Variants in BACH2 observed in about 807,000 individuals in gnomAD.
The protein encoded by BACH2 is transcription regulator protein BACH2.
A neutral mutation model predicts 61.8 loss-of-function variants in BACH2; 5 were observed. The observed-to-expected ratio is 0.08, with a 90% CI of 0.04 to 0.17. BACH2 has a LOEUF of 0.17. Among genes scored for constraint, BACH2 ranks in the 10% least tolerant of loss-of-function variants. The pLI, the probability that BACH2 is intolerant of heterozygous loss-of-function variation, is 1.00. For synonymous variants in BACH2, 446 were observed against 440.1 expected, an observed-to-expected ratio of 1.01 and a Z score of -0.17; for missense variants, 824 against 1,091.1, an observed-to-expected ratio of 0.76 and a Z score of 3.45.
chr6:90,248,808 A>C (rs556349030), intron 3 of BACH2, among the ~76,000 whole-genome samples: 25 of 152,184 alleles, frequency 1.6e-4, no homozygotes, highest in Non-Finnish European at 3.1e-4. Context: ...TCTTAGTGCA[A>C]CAGGAAGCCA....
chr6:90,012,034 G>A (rs1243263189), intron 5 of BACH2, among the ~76,000 whole-genome samples: 1 of 151,092 alleles, frequency 6.6e-6, no homozygotes, highest in Admixed American at 6.6e-5. Flanking sequence ...GGCGTCAAGT[G>A]ATCCTCCTAC....
intron 4 of BACH2, among the ~76,000 whole-genome samples, chr6:90,180,890 C>CAT (rs1768138415): frequency 6.6e-6 from 1 of 151,496 alleles, no homozygotes; most frequent in South Asian, 2.1e-4. Context: ...CACACACACA[C>CAT]ATTCCTCACA....
rs188127733 is a variant in BACH2 at position 89,965,030 on chromosome 6, G to A, written c.244-13168C>T. ...CTCCCAAGTAGCTGGGATTACAGGC[G>A]TGTGCCACCACACCTGGCTAATTTT... is the stretch of plus-strand genomic sequence containing the variant. On this transcript the variant is annotated intron_variant, in intron 6 of 8. Transcript: ENST00000257749. Among the ~76,000 whole-genome samples the A allele has an allele frequency of 3.2e-4, 48 of 152,142 alleles. No individual in the cohort carries two copies. The East Asian group carries it at 8.7e-3, about 28-fold the overall frequency.
chr6:90,295,654 GGTGTGTGTGTGTGTGTGT>G (rs138869202), intron 1 of BACH2, among the ~76,000 whole-genome samples: 1 of 147,734 alleles, frequency 6.8e-6, no homozygotes, highest in African/African-American at 2.5e-5. Context: ...TGGAGTGTAG[GGTGTGTGTGTGTGTGTGT>G]GTGTGTGTGT....
At chr6:90,119,602 C>T (rs975228976) in intron 4 of BACH2, among the ~76,000 whole-genome samples, 2 of 151,840 alleles carry the variant, frequency 1.3e-5, no homozygotes, top group African/African-American at 2.4e-5. Flanking sequence ...TGTTACCCAG[C>T]ACATAAAAAA....
chr6:90,223,136 C>T (rs1769795785), intron 3 of BACH2, among the ~76,000 whole-genome samples: 1 of 152,186 alleles, frequency 6.6e-6, no homozygotes, highest in Non-Finnish European at 1.5e-5. Flanking sequence ...AAGCAAATTG[C>T]CTTGCTGAGA....
chr6:90,047,390 C>A (rs531590085), intron 5 of BACH2, among the ~76,000 whole-genome samples: 2 of 152,262 alleles, frequency 1.3e-5, no homozygotes, highest in East Asian at 3.9e-4. Context: ...TATACTGGCA[C>A]GTCCATGGTC....
Position 89,997,804 on chromosome 6 carries a change from C to T in BACH2, c.243+10798G>A, listed in dbSNP as rs541781569. Reference sequence around the variant, plus strand: ...CTTCCATTTGACTGGTGCCACTCAACCTGGCTTGATAAACCCAAGGGTGTG... The same window carrying T: ...CTTCCATTTGACTGGTGCCACTCAATCTGGCTTGATAAACCCAAGGGTGTG... On this transcript the variant is annotated intron_variant, in intron 6 of 8. Coordinates refer to ENST00000257749, the MANE Select transcript of BACH2 (RefSeq NM_021813.4). Among the ~76,000 whole-genome samples, 7 of 152,330 alleles carry T rather than the reference C, an allele frequency of 4.6e-5. 1 individual carries two copies. The highest frequency in any genetic ancestry group is 1.9e-4 in the East Asian group (1 of 5,180).
rs543572853 is a variant in BACH2, at chr6:90,251,749, C to G, written c.-275+764G>C. ...ATACTTCACAGGATGGAAGTAAAAG[C>G]TTCTAATAGGAGCATTTATTACAAT... On this transcript the variant is annotated intron_variant, in intron 3 of 8. Coordinates refer to ENST00000257749, the MANE Select transcript of BACH2 (RefSeq NM_021813.4). Among the ~76,000 whole-genome samples, 12 of 152,204 alleles carry G rather than the reference C, an allele frequency of 7.9e-5. No homozygotes were observed. In the South Asian group the frequency reaches 2.5e-3, roughly 32 times the overall value.
At position 89,959,645 on chromosome 6, in the gene BACH2, A is replaced by T. The variant is rs577428706; in HGVS notation, c.244-7783T>A. Among the ~76,000 whole-genome samples the T allele has an allele frequency of 2.6e-5, 4 of 152,308 alleles. No homozygotes were observed. In the South Asian group the frequency reaches 8.3e-4, roughly 32 times the overall value. ...AACACTACTTTAATACAACTTAACT[A>T]CCTTAATACAAACATAACCGGAAAA... On this transcript the variant is annotated intron_variant, in intron 6 of 8. Coordinates refer to ENST00000257749, the MANE Select transcript of BACH2 (RefSeq NM_021813.4).
intron 1 of BACH2, among the ~76,000 whole-genome samples, chr6:90,286,890 A>T (rs1432223956): frequency 6.6e-6 from 1 of 152,222 alleles, no homozygotes; most frequent in Non-Finnish European, 1.5e-5. Flanking sequence ...GGTACTAGAG[A>T]GAGGGAAACA....
chr6:90,296,448 G>GCGGGGCC (rs887907610), intron 1 of BACH2, 32 bp downstream of exon 1: 57 of 150,910 alleles, frequency 3.8e-4, no homozygotes, highest in South Asian at 8.3e-4. Context: ...CCGCCCAGCG[G>GCGGGGCC]CGGGGCCCGG....
At chr6:90,090,785 T>C (rs1353230976) in intron 4 of BACH2, among the ~76,000 whole-genome samples, 5 of 152,170 alleles carry the variant, frequency 3.3e-5, no homozygotes, top group African/African-American at 1.2e-4. Flanking sequence ...CCACTGATTA[T>C]TTGTGGGTTG....
intron 6 of BACH2, among the ~76,000 whole-genome samples, chr6:89,957,403 A>G (rs1245904765): frequency 1.3e-5 from 2 of 152,122 alleles, no homozygotes; most frequent in African/African-American, 4.8e-5. Context: ...TTTTTATTTT[A>G]TCTATTTTTA....
At chr6:90,179,741 T>C (rs1432655294) in intron 4 of BACH2, among the ~76,000 whole-genome samples, 2 of 152,240 alleles carry the variant, frequency 1.3e-5, no homozygotes, top group African/African-American at 4.8e-5. Context: ...TTATGATTAA[T>C]TAAAGCCATT....
chr6:90,191,676 A>C (rs1427340746), intron 4 of BACH2, among the ~76,000 whole-genome samples: 1 of 152,192 alleles, frequency 6.6e-6, no homozygotes, highest in African/African-American at 2.4e-5. Flanking sequence ...CCATCTGTAA[A>C]GTGGGAATAA....
In BACH2 at chr6:90,154,926, G is replaced by A. The variant is rs373569300; in HGVS notation, c.-162+51643C>T. Among the ~76,000 whole-genome samples the A allele has an allele frequency of 5.3e-5, 8 of 152,232 alleles. No individual in the cohort carries two copies. The South Asian group carries it at 1.0e-3, about 20-fold the overall frequency. ...CCAGTCAGCTACCAAGGCAGACTGC[G>A]GAAAAGGGGACAAACTGGCAGGAAG... is the stretch of plus-strand genomic sequence containing the variant. On this transcript the variant is annotated intron_variant, in intron 4 of 8. Coordinates refer to ENST00000257749, the MANE Select transcript of BACH2 (RefSeq NM_021813.4).
intron 5 of BACH2, among the ~76,000 whole-genome samples, chr6:90,047,219 T>C (rs1779825511): frequency 6.6e-6 from 1 of 152,154 alleles, no homozygotes; most frequent in South Asian, 2.1e-4. Flanking sequence ...ACTGTGCCTG[T>C]CCTGCCCATG....
At chr6:90,296,414 C>G (rs1772392242) in intron 1 of BACH2, 66 bp downstream of exon 1, 2 of 150,890 alleles carry the variant, frequency 1.3e-5, no homozygotes, top group South Asian at 2.1e-4. Context: ...GCGCCCGCTC[C>G]CCCCGCAAAC....
Sources: gnomAD v4.1 joint callset for allele counts (sites outside exome capture counted in the v4.1 genomes callset) on GRCh38, gnomAD v4.1.1 for gene constraint, MANE v1.5 for transcripts, NCBI Gene and HGNC (gene_info 2026-07-23, HGNC 2026-07-21) for gene names.